Variants in BSN observed in about 807,000 individuals in gnomAD.
BSN encodes the protein protein bassoon.
A neutral mutation model predicts 264.8 loss-of-function variants in BSN; 57 were observed. The ratio of observed to expected loss-of-function variants is 0.22; its 90% CI spans 0.17 to 0.27. The LOEUF (loss-of-function observed/expected upper bound fraction) is 0.27. BSN is among the 10% of genes least tolerant of loss of function. The pLI, the probability that BSN is intolerant of heterozygous loss-of-function variation, is 1.00. For missense variants in BSN, 4,615 were observed against 5,232.5 expected (o/e 0.88, Z 3.64); for synonymous variants, 2,059 against 2,137.3 (o/e 0.96, Z 1.01).
chr3:49,625,450 TC>T lies in BSN; in HGVS notation c.633+71del. Reference sequence around the variant, plus strand: ...ATTACCATACCTCCCCTGGTTCCCTTCCCCTCTTTCACCAACTCTCTTTTCC... The same window carrying T: ...ATTACCATACCTCCCCTGGTTCCCTTCCCTCTTTCACCAACTCTCTTTTCC... On this transcript the variant is annotated intron_variant, in intron 2 of 11. Coordinates refer to ENST00000296452, the MANE Select transcript of BSN (RefSeq NM_003458.4). The surrounding 1 kb of genome is among the most constrained non-coding windows in gnomAD (Gnocchi z 4.4). The T allele has an allele frequency of 7.4e-7, 1 of 1,357,550 alleles. No homozygotes were observed. Among genetic ancestry groups the T allele is most frequent in the Non-Finnish European group, 9.6e-7 (1 of 1,041,934 alleles). The allele number at this position is 1,357,550 out of a possible 1,614,324, so 84.1% of individuals were successfully genotyped here.
intron 1 of BSN, among the ~76,000 whole-genome samples, chr3:49,574,409 T>C (rs1291503112): frequency 6.6e-6 from 1 of 152,074 alleles, no homozygotes; most frequent in Admixed American, 6.6e-5. Context: ...GGAAGTGCAT[T>C]GCAGGGGTGG....
chr3:49,593,344 TAAAC>T (rs2051995024), intron 1 of BSN, among the ~76,000 whole-genome samples: 1 of 152,336 alleles, frequency 6.6e-6, no homozygotes, highest in Non-Finnish European at 1.5e-5. Context: ...CTATTACAAA[TAAAC>T]CTTTTATGAA....
chr3:49,657,289 G>A lies in BSN; in HGVS notation c.7733G>A (p.Arg2578Lys), dbSNP rs771097498. Residue 2578 changes from arginine to lysine, a missense_variant, in exon 5 of 12, where the codon AGG becomes AAG. Around this residue, in one of 3 missense-constraint regions of BSN, gnomAD observed 3,415 missense variants for 3,866.4 expected, o/e 0.88. Coordinates refer to ENST00000296452, the MANE Select transcript of BSN (RefSeq NM_003458.4). ...TCTGGGACTGAGCCCTGTGTGGTCA[G>A]GAGGATTGCCGACAGCAGCGTGCAG... The part of the protein sequence containing the change: ...LESGTEPCVV[R>K]RIADSSVQTD... 60 of 1,613,284 alleles carry A rather than the reference G, an allele frequency of 3.7e-5. No homozygotes were observed. The highest frequency in any genetic ancestry group is 4.5e-5 in the Non-Finnish European group (53 of 1,179,898).
intron 3 of BSN, 138 bp downstream of exon 3, chr3:49,643,290 G>A: frequency 5.8e-6 from 8 of 1,384,616 alleles, no homozygotes; most frequent in Non-Finnish European, 7.6e-6. Context: ...GCTGCAGAGG[G>A]GCTGCATTCC....
chr3:49,651,709 C>T lies in BSN; in HGVS notation c.2153C>T (p.Pro718Leu). The change falls in exon 5 of 12, where the codon CCA becomes CTA. Residue 718 changes from proline (P) to leucine (L), a missense_variant. Physicochemically the swap from Pro to Leu is moderately conservative, Grantham distance 98 (BLOSUM62 -3). This residue lies in a region of BSN where 1,197 missense variants were observed against 1,348.0 expected (regional missense o/e 0.89). Coordinates refer to ENST00000296452, the MANE Select transcript of BSN (RefSeq NM_003458.4). This position sits in a 1 kb window ranked among gnomAD's most constrained non-coding sequence, Gnocchi z 5.4. Reference protein sequence around the residue: ...LDSAGVTGPHPPSPSEIHKVG... With the variant: ...LDSAGVTGPHLPSPSEIHKVG... ...AGTGCAGGGGTGACAGGGCCACATC[C>T]ACCCAGCCCCTCCGAGATCCACAAG... 2 of 1,613,150 alleles carry T rather than the reference C, an allele frequency of 1.2e-6. No homozygotes were observed. The highest frequency in any genetic ancestry group is 1.7e-6 in the Non-Finnish European group (2 of 1,179,728).
intron 3 of BSN, among the ~76,000 whole-genome samples, chr3:49,644,393 G>A (rs1414077501): frequency 6.6e-6 from 1 of 152,202 alleles, no homozygotes. Context: ...CTCCACAGGA[G>A]TCCCCGTGGG....
intron 1 of BSN, among the ~76,000 whole-genome samples, chr3:49,571,666 T>C (rs1184298533): frequency 6.6e-6 from 1 of 152,088 alleles, no homozygotes; most frequent in Non-Finnish European, 1.5e-5. Context: ...GGACAGAGAT[T>C]GTTCATCCCT....
chr3:49,642,532 G>T lies in BSN; in HGVS notation c.898G>T (p.Gly300Trp), dbSNP rs1368602939. The change falls in exon 3 of 12, where the codon GGG (glycine) becomes TGG (tryptophan). Residue 300 changes from glycine (G) to tryptophan (W), a missense_variant. Gly to Trp is a radical substitution (Grantham distance 184). This residue lies in a region of BSN where 1,197 missense variants were observed against 1,348.0 expected (regional missense o/e 0.89). Transcript: ENST00000296452. This position sits in a 1 kb window ranked among gnomAD's most constrained non-coding sequence, Gnocchi z 7.0. ...CCAAGCAGCTGCCCCTCCAGAGGTG[G>T]GGAGGGTGTCTCCTCAGCCCCCTCA... ...PAQAAAPPEV[G>W]RVSPQPPQPT... is the part of the protein sequence containing the mutation. 1.9e-6 allele frequency: 3 copies of T among 1,587,650 alleles called. No homozygotes were observed. The Admixed American group carries it at 5.2e-5, about 28-fold the overall frequency.
chr3:49,601,104 T>C (rs2052069821), intron 1 of BSN, among the ~76,000 whole-genome samples: 1 of 152,194 alleles, frequency 6.6e-6, no homozygotes. Flanking sequence ...TCCTGCGATA[T>C]GGTCAGTGGC....
chr3:49,630,697 C>G (rs770427593), intron 2 of BSN, among the ~76,000 whole-genome samples: 1 of 152,074 alleles, frequency 6.6e-6, no homozygotes, highest in Non-Finnish European at 1.5e-5. Flanking sequence ...AGAAATTTTA[C>G]TCCTAAAACA....
At position 49,625,090 on chromosome 3, in the gene BSN, G is replaced by C. The variant is rs1368402116; in HGVS notation, c.340G>C (p.Ala114Pro). 6.2e-7 allele frequency: 1 copy of C among 1,606,310 alleles called. No homozygotes were observed. Among genetic ancestry groups the C allele is most frequent in the Non-Finnish European group, 8.5e-7 (1 of 1,176,708 alleles). ...CCATGAGAGCCCCCGAGAGACAAGG[G>C]CACAGGGACCAGCAGGCCAGGAGGC... ...PGHESPRETRAQGPAGQEADG... is the reference protein window; with the variant it reads ...PGHESPRETRPQGPAGQEADG... The change falls in exon 2 of 12, where the codon GCA becomes CCA. Residue 114 changes from alanine (A) to proline (P), a missense_variant. Physicochemically the swap from Ala to Pro is conservative, Grantham distance 27. This residue lies in a region of BSN where 1,197 missense variants were observed against 1,348.0 expected (regional missense o/e 0.89). Coordinates refer to ENST00000296452, the MANE Select transcript of BSN (RefSeq NM_003458.4). The surrounding 1 kb of genome is among the most constrained non-coding windows in gnomAD (Gnocchi z 4.4).
chr3:49,637,082 T>C (rs1055501780), intron 2 of BSN, among the ~76,000 whole-genome samples: 8 of 152,254 alleles, frequency 5.3e-5, no homozygotes, highest in African/African-American at 1.9e-4. Context: ...GTTTCTGTGA[T>C]GTTTCAACTT....
intron 1 of BSN, among the ~76,000 whole-genome samples, chr3:49,624,448 G>A (rs766338863): frequency 1.3e-5 from 2 of 151,912 alleles, no homozygotes; most frequent in East Asian, 1.9e-4. Context: ...ACAGGTGTGC[G>A]CCACCAAGCT....
At chr3:49,672,479 C>CTT (rs371314787), downstream of BSN, among the ~76,000 whole-genome samples, 269 of 143,038 alleles carry the variant, frequency 1.9e-3, no homozygotes, top group African/African-American at 3.3e-3. Context: ...AGTTGGGACT[C>CTT]TTTTTTTTTT....
At chr3:49,561,694 A>G (rs748209138) in intron 1 of BSN, among the ~76,000 whole-genome samples, 2 of 152,156 alleles carry the variant, frequency 1.3e-5, no homozygotes, top group African/African-American at 2.4e-5. Flanking sequence ...CATACTTACC[A>G]TTTTTGTGGT....
chr3:49,589,164 G>T (rs1410532287), intron 1 of BSN, among the ~76,000 whole-genome samples: 1 of 147,936 alleles, frequency 6.8e-6, no homozygotes, highest in Non-Finnish European at 1.5e-5. Context: ...CGCCCGCCTC[G>T]GCCTCCCAAA....
downstream of BSN, among the ~76,000 whole-genome samples, chr3:49,673,087 C>CTTTTTTTTTTTTTTTT (rs71080543): frequency 7.3e-3 from 314 of 43,174 alleles, 76 homozygotes; most frequent in Middle Eastern, 0.083. Flanking sequence ...CCGGCCGGGA[C>CTTTTTTTTTTTTTTTT]TTTTTTTTTT....
intron 11 of BSN, among the ~76,000 whole-genome samples, chr3:49,667,231 T>A (rs918770390): frequency 9.2e-5 from 14 of 151,936 alleles, no homozygotes; most frequent in Admixed American, 8.5e-4. Context: ...CTCCTGAAAT[T>A]CTTTACGGCA....
chr3:49,637,118 G>A (rs1218325854), intron 2 of BSN, among the ~76,000 whole-genome samples: 2 of 152,220 alleles, frequency 1.3e-5, no homozygotes, highest in African/African-American at 4.8e-5. Context: ...GCATAAATGC[G>A]GCATCAGGCG....
Sources: gnomAD v4.1 joint callset for allele counts (sites outside exome capture counted in the v4.1 genomes callset) on GRCh38, gnomAD v4.1.1 for gene constraint, gnomAD v4.1.1 regional missense constraint, Gnocchi (gnomAD v3.1) non-coding constraint, MANE v1.5 for transcripts, NCBI Gene and HGNC (gene_info 2026-07-23, HGNC 2026-07-21) for gene names.